Variants in BRD2 observed in about 807,000 individuals in gnomAD.
The protein encoded by BRD2 is bromodomain-containing protein 2.
In BRD2, 15 loss-of-function variants were observed where a neutral mutation model predicts 79.1. That is an observed-to-expected ratio of 0.19 (90% confidence interval 0.13 to 0.29). BRD2 has a LOEUF of 0.29. Ranked by LOEUF, BRD2 falls within the 10% of genes least tolerant of loss-of-function variation. The pLI is 1.00. For synonymous variants in BRD2, 488 were observed against 358.6 expected (o/e 1.36, Z -4.08); for missense variants, 1,053 against 991.3 (o/e 1.06, Z -0.84).
chr6:32,974,972 C>T lies in BRD2; in HGVS notation c.333+207C>T, dbSNP rs953451075. ...AACTATCTTGGCATCTTTCCTTGTG[C>T]CCTCCATGTGTCCTTCCTTAACTTT... On this transcript the variant is annotated intron_variant, in intron 3 of 12. Transcript: ENST00000374825. 55 of 1,467,204 alleles carry T rather than the reference C, an allele frequency of 3.7e-5. No individual in the cohort carries two copies. The East Asian group carries it at 5.9e-4, about 16-fold the overall frequency. The allele number at this position is 1,467,204 out of a possible 1,614,324, so 90.9% of individuals were successfully genotyped here.
intron 9 of BRD2, 48 bp downstream of exon 9, chr6:32,978,053 CT>C: frequency 6.3e-7 from 1 of 1,592,612 alleles, no homozygotes. Context: ...GGTTCATGCC[CT>C]TTGTCCTCAT....
chr6:32,981,439 C>CT lies in BRD2; in HGVS notation c.*723dup, dbSNP rs1779542097. On this transcript the variant is annotated 3_prime_UTR_variant, in exon 13 of 13. Coordinates refer to ENST00000374825, the MANE Select transcript of BRD2 (RefSeq NM_005104.4). ...AATAGCTAACCTATAATTGGATTGT[C>CT]TTAATTTTTAAACCAGTAGGCTTTT... 6.6e-6 allele frequency: 1 copy of CT among 152,132 alleles called. No individual in the cohort carries two copies. Among genetic ancestry groups the CT allele is most frequent in the Non-Finnish European group, 1.5e-5 (1 of 68,018 alleles). The allele number at this position is 152,132 out of a possible 1,614,324, so 9.4% of individuals were successfully genotyped here.
Position 32,981,323 on chromosome 6 carries a change from C to T in BRD2, c.*605C>T, listed in dbSNP as rs945952831. 6.6e-6 allele frequency: 1 copy of T among 152,102 alleles called. No individual in the cohort carries two copies. The highest frequency in any genetic ancestry group is 1.5e-5 in the Non-Finnish European group (1 of 68,060). The allele number at this position is 152,102 out of a possible 1,614,324, so 9.4% of individuals were successfully genotyped here. A position where few individuals can be genotyped will look rare whatever the true frequency, so the allele number is the denominator to read the frequency against. ...AAATATTATTCAAGTTTTGAGTTAC[C>T]TTAATATTTGCTTTTGTAGTGTTTC... On this transcript the variant is annotated 3_prime_UTR_variant, in exon 13 of 13. Transcript: ENST00000374825.
chr6:32,977,762 A>T lies in BRD2; in HGVS notation c.1335A>T (p.Val445=). ...VVAMARKLQD[V]FEFRYAKMPD... ...GAGTTTGTGCCTCTTTGTAGGATGT[A>T]TTTGAGTTCCGTTATGCCAAGATGC... The change falls in exon 9 of 13, where the codon GTA becomes GTT. Residue 445 remains valine, a synonymous_variant. Transcript: ENST00000374825. The T allele has an allele frequency of 6.2e-7, 1 of 1,613,008 alleles. No individual in the cohort carries two copies. The highest frequency in any genetic ancestry group is 8.5e-7 in the Non-Finnish European group (1 of 1,180,012).
Position 32,976,220 on chromosome 6 carries a change from A to C in BRD2, c.611-30A>C, listed in dbSNP as rs368840408. 40 of 1,611,120 alleles carry C rather than the reference A, an allele frequency of 2.5e-5. No individual in the cohort carries two copies. In the African/African-American group the frequency reaches 4.7e-4, roughly 19 times the overall value. On this transcript the variant is annotated intron_variant, in intron 5 of 12. Transcript: ENST00000374825. ...TGGACAACTAAAGATGGGGAAGAGA[A>C]TCAAACTACACTTTTTTCCTTTTTT... is the stretch of plus-strand genomic sequence containing the variant.
In BRD2 at chr6:32,979,072, G is replaced by GTT. The variant is rs201442612; in HGVS notation, c.1841+687_1841+688dup. ...GTTTTTTTTTGTTAGTTTGTTTTTT[G>GTT]TTTTGTTTTTTTTAAAGACTCCAGG... On this transcript the variant is annotated intron_variant, in intron 10 of 12. Transcript: ENST00000374825. The GTT allele has an allele frequency of 3.2e-4, 42 of 132,590 alleles. 2 individuals are homozygous for GTT. The highest frequency in any genetic ancestry group is 1.1e-3 in the Admixed American group (15 of 13,388). 8.2% of individuals were successfully genotyped at this position (132,590 alleles called of 1,614,324 possible).
chr6:32,972,226 C>G lies in BRD2; in HGVS notation c.-673C>G, dbSNP rs1001560757. The G allele has an allele frequency of 7.9e-6, 4 of 504,086 alleles. No individual in the cohort carries two copies. The Admixed American group carries it at 9.6e-5, about 12-fold the overall frequency. 31.2% of individuals were successfully genotyped at this position (504,086 alleles called of 1,614,324 possible). ...ATTTCGTGCTGGAGTGGAGCAGCCT[C>G]TAGAACGAGCTGGAGGATTCTGCCT... is the stretch of plus-strand genomic sequence containing the variant. On this transcript the variant is annotated 5_prime_UTR_variant, in exon 2 of 13. Transcript: ENST00000374825.
At chr6:32,976,508 C>G (rs760694479) in intron 6 of BRD2, 44 bp downstream of exon 6, 2 of 1,599,060 alleles carry the variant, frequency 1.3e-6, no homozygotes, top group Non-Finnish European at 1.7e-6. Context: ...AGGCAAGGGT[C>G]TTAAGTAAAG....
In BRD2 at chr6:32,971,759, GTC is replaced by G; in HGVS notation, c.-1137_-1136del. ...TGGCACGACCTGCTCGAGCTTGGCA[GTC>G]TCCAGTTGGGCTGTGCATGGAAGCT... On this transcript the variant is annotated 5_prime_UTR_variant, in exon 2 of 13. An upstream open reading frame in the 5' UTR gains an earlier in-frame stop. Transcript: ENST00000374825. 1.7e-6 allele frequency: 1 copy of G among 590,816 alleles called. No individual in the cohort carries two copies. Among genetic ancestry groups the G allele is most frequent in the Non-Finnish European group, 3.0e-6 (1 of 333,246 alleles). 36.6% of individuals were successfully genotyped at this position (590,816 alleles called of 1,614,324 possible).
Position 32,972,938 on chromosome 6 carries a change from G to C in BRD2, c.29+11G>C. On this transcript the variant is annotated intron_variant, in intron 2 of 12. Coordinates refer to ENST00000374825, the MANE Select transcript of BRD2 (RefSeq NM_005104.4). ...GACTCCCCACAATAAGTACGTTTCC[G>C]CGAGCCGCGTGTGGGAAGGGGATGT... is the stretch of plus-strand genomic sequence containing the variant. 6.2e-7 allele frequency: 1 copy of C among 1,614,024 alleles called. No homozygotes were observed.
intron 1 of BRD2, chr6:32,969,393 G>C (rs769961094): frequency 1.8e-5 from 13 of 716,296 alleles, no homozygotes; most frequent in Middle Eastern, 4.6e-4. Context: ...GGGGTGACCT[G>C]GCGGTGGGCT....
Position 32,978,195 on chromosome 6 carries a change from G to C in BRD2, c.1648G>C (p.Glu550Gln). 6.2e-7 allele frequency: 1 copy of C among 1,612,904 alleles called. No individual in the cohort carries two copies. Among genetic ancestry groups the C allele is most frequent in the Non-Finnish European group, 8.5e-7 (1 of 1,179,956 alleles). The change falls in exon 10 of 13, where the codon GAG becomes CAG. Residue 550 changes from glutamate (E) to glutamine (Q), a missense_variant. By Grantham distance (29) the Glu-to-Gln change is conservative. This residue lies in a region of BRD2 where 454 missense variants were observed against 430.5 expected (regional missense o/e 1.05). Transcript: ENST00000374825. Reference sequence around the variant, plus strand: ...AATATCCAAGCCCAAGAGGAAAAGAGAGAAAAAAGAGAAAAAGAAGAAACG... The same window carrying C: ...AATATCCAAGCCCAAGAGGAAAAGACAGAAAAAAGAGAAAAAGAAGAAACG... ...GPISKPKRKR[E>Q]KKEKKKKRKA...
rs1282003243 is a variant in BRD2 at position 32,974,601 on chromosome 6, A to G, written c.169A>G (p.Thr57Ala). 1 of 1,614,064 alleles carries G rather than the reference A, an allele frequency of 6.2e-7. No homozygotes were observed. The highest frequency in any genetic ancestry group is 2.2e-5 in the East Asian group (1 of 44,868). ...TMASVPALQL[T>A]PANPPPPEVS... ...GGCTTCGGTGCCTGCTTTGCAACTT[A>G]CCCCTGCCAACCCACCACCCCCGGA... Residue 57 changes from threonine (T) to alanine (A), a missense_variant, in exon 3 of 13, where the codon ACC becomes GCC. Thr to Ala is a moderately conservative substitution (Grantham distance 58, BLOSUM62 0). Coordinates refer to ENST00000374825, the MANE Select transcript of BRD2 (RefSeq NM_005104.4).
chr6:32,979,415 A>G (rs114395947), intron 10 of BRD2: 2,699 of 186,634 alleles, frequency 0.014, 35 homozygotes, highest in African/African-American at 0.036. Flanking sequence ...GAGCAGAAAG[A>G]CCCATGTCAG....
chr6:32,972,449 T>G lies in BRD2; in HGVS notation c.-450T>G. ...CCCCTCTACTCCGCCCTCAAGAGGA[T>G]TTCAAAGATGGAGGCGGCGGCTCCC... is the stretch of plus-strand genomic sequence containing the variant. On this transcript the variant is annotated 5_prime_UTR_variant, in exon 2 of 13. Coordinates refer to ENST00000374825, the MANE Select transcript of BRD2 (RefSeq NM_005104.4). 3.5e-6 allele frequency: 1 copy of G among 288,442 alleles called. No homozygotes were observed. The highest frequency in any genetic ancestry group is 6.7e-6 in the Non-Finnish European group (1 of 149,120). The allele number at this position is 288,442 out of a possible 1,614,324, so 17.9% of individuals were successfully genotyped here.
chr6:32,977,646 C>G, intron 8 of BRD2, 76 bp downstream of exon 8: 1 of 1,601,940 alleles, frequency 6.2e-7, no homozygotes, highest in Non-Finnish European at 8.5e-7. Flanking sequence ...ATAGCCTCAA[C>G]GTGAGGGTCT....
Position 32,976,659 on chromosome 6 carries a change from C to T in BRD2, c.923C>T (p.Pro308Leu), listed in dbSNP as rs1342405382. Reference protein sequence around the residue: ...SPASPPGSLEPKAARLPPMRR... With the variant: ...SPASPPGSLELKAARLPPMRR... ...GCTAGCCCTCCTGGGAGTCTTGAGC[C>T]TAAGGCAGCACGGCTTCCCCCTATG... Residue 308 changes from proline to leucine, a missense_variant, in exon 7 of 13, where the codon CCT becomes CTT. Pro to Leu is a moderately conservative substitution (Grantham distance 98). Around this residue, in one of 5 missense-constraint regions of BRD2, gnomAD observed 454 missense variants for 430.5 expected, o/e 1.05. Coordinates refer to ENST00000374825, the MANE Select transcript of BRD2 (RefSeq NM_005104.4). 1.2e-6 allele frequency: 2 copies of T among 1,612,940 alleles called. No individual in the cohort carries two copies. The highest frequency in any genetic ancestry group is 2.2e-5 in the East Asian group (1 of 44,892).
chr6:32,981,217 A>G lies in BRD2; in HGVS notation c.*499A>G, dbSNP rs1779511772. 1 of 152,232 alleles carries G rather than the reference A, an allele frequency of 6.6e-6. No homozygotes were observed. Among genetic ancestry groups the G allele is most frequent in the Non-Finnish European group, 1.4e-5 (1 of 69,024 alleles). 9.4% of individuals were successfully genotyped at this position (152,232 alleles called of 1,614,324 possible). ...TGTTTTCCCTTTTTCCTTCCGCTCCATTTGGGGCCCTGGGGGTTTCAGTCA... is the reference window on the plus strand; with the variant it reads ...TGTTTTCCCTTTTTCCTTCCGCTCCGTTTGGGGCCCTGGGGGTTTCAGTCA... On this transcript the variant is annotated 3_prime_UTR_variant, in exon 13 of 13. Coordinates refer to ENST00000374825, the MANE Select transcript of BRD2 (RefSeq NM_005104.4).
rs186693780 is a variant in BRD2, at chr6:32,975,641, G to A, written c.471+120G>A. 6.8e-4 allele frequency: 873 copies of A among 1,290,118 alleles called. 21 individuals are homozygous for A. The East Asian group carries it at 0.012, about 18-fold the overall frequency. The allele number at this position is 1,290,118 out of a possible 1,614,324, so 79.9% of individuals were successfully genotyped here. A position where few individuals can be genotyped will look rare whatever the true frequency, so the allele number is the denominator to read the frequency against. On this transcript the variant is annotated intron_variant, in intron 4 of 12. Transcript: ENST00000374825. ...CTACTGAAGGTGTTATCCAGGTAGG[G>A]TAGTCGGAGTCTTAAAAACCTGACT...
Sources: allele counts gnomAD v4.1 joint callset, GRCh38; gene constraint gnomAD v4.1.1; regional missense constraint gnomAD v4.1.1; transcripts MANE v1.5; gene names NCBI Gene and HGNC (gene_info 2026-07-23, HGNC 2026-07-21).